The following STRA6 variants were observed in gnomAD, a reference collection of about 807,000 sequenced individuals.
STRA6 encodes signaling receptor and transporter of retinol STRA6, also known as receptor for retinol uptake STRA6.
Under a neutral mutation model 83.6 loss-of-function variants are expected in STRA6, and 48 were observed. That is an observed-to-expected ratio of 0.57 (90% CI 0.46 to 0.73). The LOEUF (loss-of-function observed/expected upper bound fraction) is 0.73, where lower values mean the gene tolerates loss of function less well. STRA6 is among the 30% of genes least tolerant of loss of function. The pLI, the probability that STRA6 is intolerant of heterozygous loss-of-function variation, is 0.00. For missense variants in STRA6, 760 were observed against 838.8 expected (o/e 0.91, Z 1.16); for synonymous variants, 353 against 362.3 (o/e 0.97, Z 0.29).
rs1382353939 is a variant in STRA6, at chr15:74,188,870, G to T, written c.1090+245C>A. Among the ~76,000 whole-genome samples, 1 of 152,168 alleles carries T rather than the reference G, an allele frequency of 6.6e-6. No homozygotes were observed. Among genetic ancestry groups the T allele is most frequent in the Admixed American group, 6.5e-5 (1 of 15,284 alleles). Reference sequence around the variant, plus strand: ...GTTGGTCAGAGACACTGGGGGTGGTGGGGGAAGATGCCACAGAAGCAGGCA... The same window carrying T: ...GTTGGTCAGAGACACTGGGGGTGGTTGGGGAAGATGCCACAGAAGCAGGCA... On this transcript the variant is annotated intron_variant, in intron 12 of 18. Transcript: ENST00000395105. This position sits in a 1 kb window ranked among gnomAD's most constrained non-coding sequence, Gnocchi z 4.5.
intron 8 of STRA6, among the ~76,000 whole-genome samples, chr15:74,192,695 C>A (rs1001052843): frequency 6.6e-6 from 1 of 152,218 alleles, no homozygotes; most frequent in African/African-American, 2.4e-5. Context: ...CCCATCAAGC[C>A]TTTCCTTCCC....
Position 74,202,152 on chromosome 15 carries a change from T to C in STRA6, c.113+3A>G, listed in dbSNP as rs781728926. 69 of 1,499,882 alleles carry C rather than the reference T, an allele frequency of 4.6e-5. No individual in the cohort carries two copies. Among genetic ancestry groups the C allele is most frequent in the Non-Finnish European group, 6.0e-5 (68 of 1,126,624 alleles). 92.9% of individuals were successfully genotyped at this position (1,499,882 alleles called of 1,614,324 possible). A position where few individuals can be genotyped will look rare whatever the true frequency, so the allele number is the denominator to read the frequency against. On this transcript the variant is annotated splice_donor_region_variant and intron_variant, in intron 2 of 18. Coordinates refer to ENST00000395105, the MANE Select transcript of STRA6 (RefSeq NM_022369.4). Reference sequence around the variant, plus strand: ...GAGTGAGGTGGGGTGGTTCCACACTTACCCCTCTGGCTGGAGCTCCTCGCC... The same window carrying C: ...GAGTGAGGTGGGGTGGTTCCACACTCACCCCTCTGGCTGGAGCTCCTCGCC...
rs186572878 is a variant in STRA6 at position 74,202,180 on chromosome 15, C to G, written c.88G>C (p.Gly30Arg). 3.3e-6 allele frequency: 5 copies of G among 1,516,172 alleles called. No individual in the cohort carries two copies. The highest frequency in any genetic ancestry group is 2.8e-5 in the African/African-American group (2 of 71,578). The allele number at this position is 1,516,172 out of a possible 1,614,324, so 93.9% of individuals were successfully genotyped here. A position where few individuals can be genotyped will look rare whatever the true frequency, so the allele number is the denominator to read the frequency against. ...CCCTCTGGCTGGAGCTCCTCGCCCC[C>G]CTGGGGCTCATCGATGTACCAGCTG... ...YGSWYIDEPQ[G>R]GEELQPEGEV... The change falls in exon 2 of 19, where the codon GGG (glycine) becomes CGG (arginine). Residue 30 changes from glycine (G) to arginine (R), a missense_variant. Coordinates refer to ENST00000395105, the MANE Select transcript of STRA6 (RefSeq NM_022369.4).
chr15:74,197,784 C>G lies in STRA6; in HGVS notation c.148G>C (p.Gly50Arg). Residue 50 changes from glycine (G) to arginine (R), a missense_variant, in exon 3 of 19, where the codon GGC becomes CGC. Physicochemically the swap from Gly to Arg is moderately radical, Grantham distance 125. Transcript: ENST00000395105. ...GAGGCCAGGCAGGCGTGGTACAGGCCGGGTGGTATGCTGGTGTGGCAGGAG... is the reference window on the plus strand; with the variant it reads ...GAGGCCAGGCAGGCGTGGTACAGGCGGGGTGGTATGCTGGTGTGGCAGGAG... ...VPSCHTSIPP[G>R]LYHACLASLS... 6.2e-7 allele frequency: 1 copy of G among 1,613,660 alleles called. No individual in the cohort carries two copies. Among genetic ancestry groups the G allele is most frequent in the Non-Finnish European group, 8.5e-7 (1 of 1,180,018 alleles).
chr15:74,180,290 A>G (rs1308335438), intron 18 of STRA6, 47 bp from the exon 19 acceptor site: 1 of 1,612,342 alleles, frequency 6.2e-7, no homozygotes, highest in Non-Finnish European at 8.5e-7. Flanking sequence ...ACACCCAGCC[A>G]ACCCTCCCTG....
intron 2 of STRA6, among the ~76,000 whole-genome samples, chr15:74,200,298 G>T (rs939225015): frequency 3.3e-5 from 5 of 152,220 alleles, no homozygotes; most frequent in Non-Finnish European, 7.3e-5. Flanking sequence ...GGAGGGAAGT[G>T]CATGAGGAAG....
chr15:74,184,096 A>C, intron 13 of STRA6, 107 bp from the exon 14 acceptor site: 1 of 1,513,872 alleles, frequency 6.6e-7, no homozygotes, highest in South Asian at 1.2e-5. Context: ...TTCAACTCAC[A>C]GCCATCAGCA....
intron 13 of STRA6, among the ~76,000 whole-genome samples, chr15:74,184,602 C>T (rs769176511): frequency 6.6e-5 from 10 of 152,212 alleles, no homozygotes; most frequent in Admixed American, 3.9e-4. Context: ...ACCCCAGCCT[C>T]TGTTCTCGTC....
exon 1 of STRA6, chr15:74,208,897 C>T (rs2074322062): frequency 1.4e-5 from 14 of 989,774 alleles, no homozygotes; most frequent in Non-Finnish European, 1.7e-5. Context: ...AAGCAGGGTG[C>T]TCCCAACACG....
intron 16 of STRA6, 84 bp downstream of exon 16, chr15:74,182,070 TAGATGGC>T: frequency 1.8e-6 from 2 of 1,100,760 alleles, no homozygotes; most frequent in Non-Finnish European, 2.8e-6. Context: ...AGAGAAGGGA[TAGATGGC>T]AGTGGAGGGA....
At chr15:74,206,225 C>A (rs1005099704), upstream of STRA6, among the ~76,000 whole-genome samples, 5 of 152,180 alleles carry the variant, frequency 3.3e-5, no homozygotes, top group Admixed American at 3.3e-4. Flanking sequence ...CCTCCTGGCC[C>A]CCAGCTGCCC....
intron 7 of STRA6, chr15:74,194,607 C>A (rs546140347): frequency 5.5e-6 from 3 of 547,274 alleles, no homozygotes; most frequent in Admixed American, 4.1e-5. Context: ...ATTTTGTTTG[C>A]GTGTCATGTC....
At chr15:74,194,021 G>T in intron 7 of STRA6, 99 bp from the exon 8 acceptor site, 3 of 1,566,872 alleles carry the variant, frequency 1.9e-6, no homozygotes, top group South Asian at 1.1e-5. Flanking sequence ...GGCCCTGAGG[G>T]TGGTCTGGGG....
upstream of STRA6, among the ~76,000 whole-genome samples, chr15:74,206,291 G>C (rs553422742): frequency 2.0e-5 from 3 of 152,220 alleles, no homozygotes; most frequent in Non-Finnish European, 4.4e-5. Flanking sequence ...CATGGATAGC[G>C]GGTGGCCGCG....
intron 12 of STRA6, among the ~76,000 whole-genome samples, chr15:74,187,996 G>T (rs2073339611): frequency 1.3e-5 from 2 of 152,150 alleles, no homozygotes; most frequent in African/African-American, 4.8e-5. Context: ...GAACCAGATT[G>T]CAACCAGCTC....
intron 8 of STRA6, chr15:74,191,921 CT>C: frequency 9.7e-6 from 3 of 308,606 alleles, no homozygotes; most frequent in Non-Finnish European, 1.9e-5. Flanking sequence ...CACCCTCAGG[CT>C]TCTCCTGCTG....
At chr15:74,182,797 C>T (rs2073060209) in intron 14 of STRA6, 2 of 342,942 alleles carry the variant, frequency 5.8e-6, no homozygotes, top group East Asian at 1.4e-4. Context: ...GATAAGGCTA[C>T]ATATTAAACT....
Position 74,188,994 on chromosome 15 carries a change from G to C in STRA6, c.1090+121C>G, listed in dbSNP as rs1288375230. On this transcript the variant is annotated intron_variant, in intron 12 of 18. Coordinates refer to ENST00000395105, the MANE Select transcript of STRA6 (RefSeq NM_022369.4). This position sits in a 1 kb window ranked among gnomAD's most constrained non-coding sequence, Gnocchi z 4.5. ...TTGGAGATGAGGCAATCGAGACCCA[G>C]AGAGAGGAAGGAATGTGTCCAAGGG... 2 of 1,240,038 alleles carry C rather than the reference G, an allele frequency of 1.6e-6. No homozygotes were observed. The highest frequency in any genetic ancestry group is 2.3e-6 in the Non-Finnish European group (2 of 879,066). The allele number at this position is 1,240,038 out of a possible 1,614,324, so 76.8% of individuals were successfully genotyped here.
Position 74,180,807 on chromosome 15 carries a change from G to C in STRA6, c.1815C>G (p.Ser605Arg). The C allele has an allele frequency of 6.2e-7, 1 of 1,612,172 alleles. No individual in the cohort carries two copies. ...CTTCGTCTTCCTCCCCTGGTCTGAG[G>C]CTGTCCTGGGGGGCTGCCATGGTCC... ...LPRTMAAPQDSLRPGEEDEGM... is the reference protein window; with the variant it reads ...LPRTMAAPQDRLRPGEEDEGM... Residue 605 changes from serine (S) to arginine (R), a missense_variant, in exon 18 of 19, where the codon AGC becomes AGG. Coordinates refer to ENST00000395105, the MANE Select transcript of STRA6 (RefSeq NM_022369.4).
Sources: gnomAD v4.1 joint callset for allele counts (sites outside exome capture counted in the v4.1 genomes callset) on GRCh38, gnomAD v4.1.1 for gene constraint, Gnocchi (gnomAD v3.1) non-coding constraint, MANE v1.5 for transcripts, NCBI Gene and HGNC (gene_info 2026-07-23, HGNC 2026-07-21) for gene names.